Variants in JAM3 observed in about 807,000 individuals in gnomAD.
JAM3 encodes the protein junctional adhesion molecule 3, also known as junctional adhesion molecule C.
In JAM3, 31 loss-of-function variants were observed where a neutral mutation model predicts 39.4. The observed-to-expected ratio is 0.79, with a 90% CI of 0.59 to 1.06. The LOEUF is 1.06. Among genes scored for constraint, JAM3 ranks in the 50% least tolerant of loss-of-function variants. The pLI is 0.00. For missense variants in JAM3, 455 were observed against 391.4 expected, an observed-to-expected ratio of 1.16 and a Z score of -1.37; for synonymous variants, 182 against 148.7, an observed-to-expected ratio of 1.22 and a Z score of -1.63.
chr11:134,109,738 T>A (rs1051900399), intron 1 of JAM3, among the ~76,000 whole-genome samples: 2 of 152,220 alleles, frequency 1.3e-5, no homozygotes, highest in Admixed American at 6.5e-5. Flanking sequence ...ATCCACATGT[T>A]GCAAGAGAAA....
At position 134,138,219 on chromosome 11, in the gene JAM3, CAAT is replaced by C. The variant is rs1453322242; in HGVS notation, c.77-1630_77-1628del. On this transcript the variant is annotated intron_variant, in intron 1 of 8. Transcript: ENST00000299106. ...TCATACTGAGAGAAATGTTTATGGC[CAAT>C]AGTCCCTTAGAGCCAGTGGTGGCGT... Among the ~76,000 whole-genome samples the C allele has an allele frequency of 1.7e-4, 21 of 124,218 alleles. 1 individual carries two copies. Among genetic ancestry groups the C allele is most frequent in the South Asian group, 7.4e-4 (3 of 4,080 alleles). 81.5% of individuals were successfully genotyped at this position (124,218 alleles called of 152,430 possible).
chr11:134,078,777 G>A (rs1236022601), intron 1 of JAM3, among the ~76,000 whole-genome samples: 6 of 152,150 alleles, frequency 3.9e-5, no homozygotes, highest in Non-Finnish European at 4.4e-5. Context: ...AGTGGCTCAC[G>A]CCTGTAATCC....
intron 4 of JAM3, 139 bp downstream of exon 4, chr11:134,144,532 A>G: frequency 2.8e-6 from 3 of 1,080,864 alleles, no homozygotes; most frequent in Non-Finnish European, 4.2e-6. Flanking sequence ...GAGAGCTGAG[A>G]CTGCCTGAGT....
At chr11:134,092,092 G>C (rs1409588969) in intron 1 of JAM3, among the ~76,000 whole-genome samples, 2 of 152,002 alleles carry the variant, frequency 1.3e-5, no homozygotes, top group Admixed American at 1.3e-4. Flanking sequence ...GTTGCTCTTG[G>C]TGCAAAGCCG....
At chr11:134,097,201 C>A (rs1384402406) in intron 1 of JAM3, among the ~76,000 whole-genome samples, 1 of 152,232 alleles carries the variant, frequency 6.6e-6, no homozygotes, top group African/African-American at 2.4e-5. Context: ...GTTTTGATTA[C>A]TCTTTACCAT....
chr11:134,094,898 C>T (rs776027878), intron 1 of JAM3, among the ~76,000 whole-genome samples: 7 of 152,210 alleles, frequency 4.6e-5, no homozygotes, highest in South Asian at 2.1e-4. Context: ...CAATAATGTT[C>T]GACATTTGTT....
At chr11:134,148,482 G>C in intron 6 of JAM3, 65 bp from the exon 7 acceptor site, 3 of 1,609,842 alleles carry the variant, frequency 1.9e-6, no homozygotes, top group Non-Finnish European at 2.5e-6. Flanking sequence ...GCACAGCAGG[G>C]CCAGGGCCTT....
chr11:134,138,869 A>G (rs989408002), intron 1 of JAM3, among the ~76,000 whole-genome samples: 2 of 152,228 alleles, frequency 1.3e-5, no homozygotes, highest in South Asian at 2.1e-4. Flanking sequence ...TAGCTGGGCC[A>G]TTAAAGAAGA....
At chr11:134,128,953 C>A (rs927677745) in intron 1 of JAM3, among the ~76,000 whole-genome samples, 2 of 152,030 alleles carry the variant, frequency 1.3e-5, no homozygotes, top group Non-Finnish European at 1.5e-5. Context: ...GCTTGAACAG[C>A]AAAAATGTAT....
At chr11:134,075,010 A>G (rs979485374) in intron 1 of JAM3, among the ~76,000 whole-genome samples, 1 of 110,212 alleles carries the variant, frequency 9.1e-6, no homozygotes, top group African/African-American at 3.5e-5. Context: ...TTTTTTTGGC[A>G]GGGGTGGGGC....
chr11:134,073,625 T>C (rs1422756377), intron 1 of JAM3, among the ~76,000 whole-genome samples: 3 of 152,348 alleles, frequency 2.0e-5, no homozygotes, highest in African/African-American at 4.8e-5. Flanking sequence ...TTCTGTGTGC[T>C]AGGGTTGCAA....
chr11:134,142,831 G>C (rs1486984940), intron 3 of JAM3, among the ~76,000 whole-genome samples: 1 of 152,096 alleles, frequency 6.6e-6, no homozygotes, highest in African/African-American at 2.4e-5. Flanking sequence ...GGATTTGCCT[G>C]TTCTGGACAC....
Position 134,120,795 on chromosome 11 carries a change from G to T in JAM3, c.77-19056G>T, listed in dbSNP as rs571847744. Among the ~76,000 whole-genome samples, 53 of 152,346 alleles carry T rather than the reference G, an allele frequency of 3.5e-4. 2 individuals carry two copies. In the South Asian group the frequency reaches 9.5e-3, roughly 27 times the overall value. ...AACTCTTAGCAAAATCCATCAAAAT[G>T]AGCCAGGCTCTATGGAATCAGGAAA... On this transcript the variant is annotated intron_variant, in intron 1 of 8. Transcript: ENST00000299106.
chr11:134,082,130 A>T (rs1022983501), intron 1 of JAM3, among the ~76,000 whole-genome samples: 1 of 152,206 alleles, frequency 6.6e-6, no homozygotes, highest in Non-Finnish European at 1.5e-5. Flanking sequence ...CATGGGGCCT[A>T]TAGCCCCTTT....
chr11:134,109,729 T>C lies in JAM3; in HGVS notation c.77-30122T>C, dbSNP rs566581166. 2.6e-5 allele frequency among the ~76,000 whole-genome samples: 4 copies of C among 152,318 alleles called. No homozygotes were observed. In the South Asian group the frequency reaches 8.3e-4, roughly 32 times the overall value. On this transcript the variant is annotated intron_variant, in intron 1 of 8. Coordinates refer to ENST00000299106, the MANE Select transcript of JAM3 (RefSeq NM_032801.5). ...AGGGGAAAGAGGGAGAATGTGGTAA[T>C]CCACATGTTGCAAGAGAAAAGGAGC... is the stretch of plus-strand genomic sequence containing the variant.
At chr11:134,106,470 TG>T (rs1772862367) in intron 1 of JAM3, among the ~76,000 whole-genome samples, 1 of 152,054 alleles carries the variant, frequency 6.6e-6, no homozygotes. Context: ...CCAAAAGCAA[TG>T]GCAACAAAAG....
In JAM3 at chr11:134,150,866, G is replaced by A. The variant is rs1203550149; in HGVS notation, c.*1685G>A. The stretch of plus-strand genomic sequence containing the variant: ...AGCCTTTTAAAGAACGTCAGGTGGA[G>A]CAGCCAGGTGAAAGGCCTGGCGGGG... On this transcript the variant is annotated 3_prime_UTR_variant, in exon 9 of 9. Transcript: ENST00000299106. 3 of 152,220 alleles carry A rather than the reference G, an allele frequency of 2.0e-5. No homozygotes were observed. Among genetic ancestry groups the A allele is most frequent in the Non-Finnish European group, 4.4e-5 (3 of 68,050 alleles). The allele number at this position is 152,220 out of a possible 1,614,324, so 9.4% of individuals were successfully genotyped here.
chr11:134,080,562 C>T (rs1300853533), intron 1 of JAM3, among the ~76,000 whole-genome samples: 1 of 152,156 alleles, frequency 6.6e-6, no homozygotes, highest in East Asian at 1.9e-4. Context: ...CCTGCACAAG[C>T]TCTCTTCTCT....
At chr11:134,077,739 C>T (rs180930321) in intron 1 of JAM3, among the ~76,000 whole-genome samples, 170 of 145,312 alleles carry the variant, frequency 1.2e-3, no homozygotes, top group African/African-American at 4.0e-3. Context: ...GAAATCACTG[C>T]AACCTCAAGT....
Sources: allele counts gnomAD v4.1 joint callset (sites outside exome capture counted in the v4.1 genomes callset), GRCh38; gene constraint gnomAD v4.1.1; transcripts MANE v1.5; gene names NCBI Gene and HGNC (gene_info 2026-07-23, HGNC 2026-07-21).